Variants in RNF41 observed in about 807,000 individuals in gnomAD.
RNF41 encodes ring finger protein 41.
RNF41 carries 4 observed loss-of-function variants against 33.0 expected under a neutral mutation model. The observed-to-expected ratio is 0.12, with a 90% CI of 0.06 to 0.28. RNF41 has a LOEUF of 0.28. Among genes scored for constraint, RNF41 ranks in the 10% least tolerant of loss-of-function variants. The pLI is 1.00. For missense variants in RNF41, 228 were observed against 432.6 expected (o/e 0.53, Z 4.19); for synonymous variants, 164 against 153.2 (o/e 1.07, Z -0.52).
intron 1 of RNF41, among the ~76,000 whole-genome samples, chr12:56,217,056 C>T (rs1209560185): frequency 6.6e-6 from 1 of 150,624 alleles, no homozygotes; most frequent in Admixed American, 6.6e-5. Flanking sequence ...AGGAGAATGG[C>T]GTGAACCTAG....
intron 2 of RNF41, among the ~76,000 whole-genome samples, chr12:56,215,590 G>A (rs959012204): frequency 2.0e-5 from 3 of 151,668 alleles, no homozygotes; most frequent in Non-Finnish European, 4.4e-5. Context: ...GTGGTGGTGC[G>A]CACCTGTAGT....
chr12:56,217,986 C>T (rs1869033171), intron 1 of RNF41, among the ~76,000 whole-genome samples: 2 of 152,150 alleles, frequency 1.3e-5, no homozygotes, highest in South Asian at 2.1e-4. Context: ...TAGAGTCTCG[C>T]TCTGTCACCT....
Position 56,206,386 on chromosome 12 carries a change from A to C in RNF41, c.*61T>G, listed in dbSNP as rs1868264582. Reference sequence around the variant, plus strand: ...GAATGGTGGGTAGGACTCAGGTCCCAGCTGCTGGAGTGATGGGATTTTCTG... The same window carrying C: ...GAATGGTGGGTAGGACTCAGGTCCCCGCTGCTGGAGTGATGGGATTTTCTG... On this transcript the variant is annotated 3_prime_UTR_variant, in exon 7 of 7. Coordinates refer to ENST00000345093, the MANE Select transcript of RNF41 (RefSeq NM_005785.4). This position sits in a 1 kb window ranked among gnomAD's most constrained non-coding sequence, Gnocchi z 5.7. 7.0e-7 allele frequency: 1 copy of C among 1,424,916 alleles called. No individual in the cohort carries two copies. Among genetic ancestry groups the C allele is most frequent in the Non-Finnish European group, 9.7e-7 (1 of 1,033,618 alleles). The allele number at this position is 1,424,916 out of a possible 1,614,324, so 88.3% of individuals were successfully genotyped here. A position where few individuals can be genotyped will look rare whatever the true frequency, so the allele number is the denominator to read the frequency against.
intron 1 of RNF41, among the ~76,000 whole-genome samples, chr12:56,220,854 T>C (rs1021178763): frequency 1.3e-5 from 2 of 152,134 alleles, no homozygotes; most frequent in Non-Finnish European, 2.9e-5. Context: ...GTCGGTCGGC[T>C]TAACATTGCA....
chr12:56,210,240 CA>C lies in RNF41; in HGVS notation c.362+56del, dbSNP rs1592351898. 10 of 1,578,250 alleles carry C rather than the reference CA, an allele frequency of 6.3e-6. No homozygotes were observed. The East Asian group carries it at 2.3e-4, about 36-fold the overall frequency. ...AGCTAGTGAGGAGGGCAGCCAGAGA[CA>C]GGGGCATAAATGAGATGGCCCTTAT... On this transcript the variant is annotated intron_variant, in intron 4 of 6. Coordinates refer to ENST00000345093, the MANE Select transcript of RNF41 (RefSeq NM_005785.4).
intron 1 of RNF41, among the ~76,000 whole-genome samples, chr12:56,218,809 T>C (rs1438077061): frequency 1.3e-5 from 2 of 151,798 alleles, no homozygotes; most frequent in East Asian, 3.9e-4. Context: ...GTTCAAGCGA[T>C]TCTCCTGCCT....
intron 1 of RNF41, among the ~76,000 whole-genome samples, chr12:56,217,479 C>T (rs538837920): frequency 2.7e-5 from 4 of 150,236 alleles, no homozygotes; most frequent in African/African-American, 4.9e-5. Context: ...ACCCAGGAGG[C>T]GGAGGTTGCA....
intron 1 of RNF41, among the ~76,000 whole-genome samples, chr12:56,217,367 C>T (rs1207707965): frequency 9.9e-5 from 15 of 151,924 alleles, no homozygotes; most frequent in Admixed American, 9.2e-4. Context: ...GCCAACATGG[C>T]GAAACCCCAT....
In RNF41 at chr12:56,202,818, A is replaced by G. The variant is rs1878646265; in HGVS notation, c.*3629T>C. 2 of 152,210 alleles carry G rather than the reference A, an allele frequency of 1.3e-5. No homozygotes were observed. The highest frequency in any genetic ancestry group is 1.3e-4 in the Admixed American group (2 of 15,274). 9.4% of individuals were successfully genotyped at this position (152,210 alleles called of 1,614,324 possible). On this transcript the variant is annotated 3_prime_UTR_variant, in exon 7 of 7. Coordinates refer to ENST00000345093, the MANE Select transcript of RNF41 (RefSeq NM_005785.4). ...TGAGTATCTCACAGGGCAGACATTC[A>G]ATGAATATTTGTTTCTAAAAATCGT...
rs1029601379 is a variant in RNF41 at position 56,205,572 on chromosome 12, G to C, written c.*875C>G. 7 of 150,780 alleles carry C rather than the reference G, an allele frequency of 4.6e-5. No homozygotes were observed. The highest frequency in any genetic ancestry group is 8.9e-5 in the Non-Finnish European group (6 of 67,724). The allele number at this position is 150,780 out of a possible 1,614,324, so 9.3% of individuals were successfully genotyped here. A position where few individuals can be genotyped will look rare whatever the true frequency, so the allele number is the denominator to read the frequency against. On this transcript the variant is annotated 3_prime_UTR_variant, in exon 7 of 7. Coordinates refer to ENST00000345093, the MANE Select transcript of RNF41 (RefSeq NM_005785.4). ...TCAGGCCATTCTTAAAAAAAAGAGGGGGGGGGGCAGTAGGTGGAGTTTGTG... is the reference window on the plus strand; with the variant it reads ...TCAGGCCATTCTTAAAAAAAAGAGGCGGGGGGGCAGTAGGTGGAGTTTGTG...
intron 3 of RNF41, among the ~76,000 whole-genome samples, chr12:56,211,565 G>A (rs569043103): frequency 6.6e-6 from 1 of 152,228 alleles, no homozygotes; most frequent in African/African-American, 2.4e-5. Flanking sequence ...TTTCAGGCTA[G>A]CTCAATCACG....
intron 4 of RNF41, chr12:56,208,517 A>C: frequency 2.3e-6 from 1 of 436,072 alleles, no homozygotes; most frequent in Non-Finnish European, 4.1e-6. Context: ...TCTTTCCCCA[A>C]TCAAGACACA....
chr12:56,218,705 A>G (rs1159070518), intron 1 of RNF41, among the ~76,000 whole-genome samples: 1 of 148,528 alleles, frequency 6.7e-6, no homozygotes, highest in East Asian at 1.9e-4. Flanking sequence ...TTATATATAT[A>G]TATGTTATTT....
chr12:56,214,167 A>C (rs1868684683), intron 2 of RNF41, 97 bp from the exon 3 acceptor site: 2 of 739,488 alleles, frequency 2.7e-6, no homozygotes, highest in Non-Finnish European at 4.8e-6. Context: ...TTTATCCAAC[A>C]AATATTTACT....
At chr12:56,217,329 C>T (rs934769280) in intron 1 of RNF41, among the ~76,000 whole-genome samples, 1 of 151,886 alleles carries the variant, frequency 6.6e-6, no homozygotes, top group Non-Finnish European at 1.5e-5. Flanking sequence ...GGTGGATCAC[C>T]TGAGGTCAGG....
At chr12:56,213,343 G>C (rs533050233) in intron 3 of RNF41, among the ~76,000 whole-genome samples, 1 of 152,232 alleles carries the variant, frequency 6.6e-6, no homozygotes, top group South Asian at 2.1e-4. Flanking sequence ...GGGACTACAG[G>C]TGTGTGCCAC....
intron 3 of RNF41, chr12:56,213,123 T>C (rs1469619691): frequency 3.1e-6 from 4 of 1,287,554 alleles, no homozygotes. Context: ...AGTGCATGGC[T>C]GTATCAAAAG....
At chr12:56,210,753 G>A (rs771949136) in intron 3 of RNF41, among the ~76,000 whole-genome samples, 185 bp from the exon 4 acceptor site, 5 of 152,180 alleles carry the variant, frequency 3.3e-5, no homozygotes, top group Non-Finnish European at 7.3e-5. Context: ...CTTAAGATAC[G>A]TTTCCTGCTG....
Position 56,207,152 on chromosome 12 carries a change from ATT to A in RNF41, c.603-356_603-355del, listed in dbSNP as rs1868283983. 1.5e-5 allele frequency: 20 copies of A among 1,316,360 alleles called. No homozygotes were observed. The South Asian group carries it at 2.5e-4, about 17-fold the overall frequency. 81.5% of individuals were successfully genotyped at this position (1,316,360 alleles called of 1,614,324 possible). A position where few individuals can be genotyped will look rare whatever the true frequency, so the allele number is the denominator to read the frequency against. On this transcript the variant is annotated intron_variant, in intron 6 of 6. Coordinates refer to ENST00000345093, the MANE Select transcript of RNF41 (RefSeq NM_005785.4). The stretch of plus-strand genomic sequence containing the variant: ...ACTCAGCACTATTTGCCCTGTATAT[ATT>A]GATTCACACTTACAGTTTACTCTAT...
Sources: allele counts gnomAD v4.1 joint callset (sites outside exome capture counted in the v4.1 genomes callset), GRCh38; gene constraint gnomAD v4.1.1; non-coding constraint Gnocchi (gnomAD v3.1); transcripts MANE v1.5; gene names NCBI Gene and HGNC (gene_info 2026-07-23, HGNC 2026-07-21).